The following SMURF2 variants were observed in gnomAD, a reference collection of about 807,000 sequenced individuals.
SMURF2 encodes SMAD specific E3 ubiquitin protein ligase 2, also known as E3 ubiquitin-protein ligase SMURF2.
SMURF2 carries 48 observed loss-of-function variants against 109.6 expected under a neutral mutation model. The ratio of observed to expected loss-of-function variants is 0.44; its 90% CI spans 0.35 to 0.56. The LOEUF is 0.56. SMURF2 is among the 20% of genes least tolerant of loss of function. The pLI is 0.01. For synonymous variants in SMURF2, 288 were observed against 317.1 expected (o/e 0.91, Z 0.97); for missense variants, 575 against 909.0 (o/e 0.63, Z 4.72).
intron 4 of SMURF2, 58 bp from the exon 5 acceptor site, chr17:64,591,207 C>T: frequency 8.1e-7 from 1 of 1,227,172 alleles, no homozygotes; most frequent in Non-Finnish European, 1.2e-6. Context: ...GAGATTCTAA[C>T]ATCTATAGAG....
intron 15 of SMURF2, among the ~76,000 whole-genome samples, chr17:64,552,143 C>A (rs566605434): frequency 4.8e-4 from 73 of 152,030 alleles, no homozygotes; most frequent in African/African-American, 1.7e-3. Flanking sequence ...GGGAGGCCTA[C>A]GGGAGAAGAG....
intron 1 of SMURF2, among the ~76,000 whole-genome samples, chr17:64,635,069 G>A (rs1197758570): frequency 1.3e-5 from 2 of 152,124 alleles, no homozygotes; most frequent in Non-Finnish European, 2.9e-5. Flanking sequence ...GCTCACACCT[G>A]TAATCTCAGC....
rs1969572982 is a variant in SMURF2, at chr17:64,581,056, A to T, written c.570-65T>A. On this transcript the variant is annotated intron_variant, in intron 7 of 18. Transcript: ENST00000262435. The surrounding 1 kb of genome is among the most constrained non-coding windows in gnomAD (Gnocchi z 4.3). ...ATATCAAAAGTAGAGTTCTCTAGAC[A>T]ATATATATATACTGCAGTAACAACC... 3 of 1,397,260 alleles carry T rather than the reference A, an allele frequency of 2.1e-6. No homozygotes were observed. Among genetic ancestry groups the T allele is most frequent in the Non-Finnish European group, 3.0e-6 (3 of 989,480 alleles). 86.6% of individuals were successfully genotyped at this position (1,397,260 alleles called of 1,614,324 possible). A position where few individuals can be genotyped will look rare whatever the true frequency, so the allele number is the denominator to read the frequency against.
chr17:64,550,545 C>T (rs1208044556), intron 16 of SMURF2, among the ~76,000 whole-genome samples: 1 of 152,024 alleles, frequency 6.6e-6, no homozygotes, highest in Non-Finnish European at 1.5e-5. Flanking sequence ...TGTGGAAGGC[C>T]GAGGTGGGTG....
Position 64,661,893 on chromosome 17 carries a change from G to T in SMURF2, c.-13C>A. The T allele has an allele frequency of 8.9e-7, 1 of 1,122,838 alleles. No individual in the cohort carries two copies. Among genetic ancestry groups the T allele is most frequent in the Non-Finnish European group, 1.1e-6 (1 of 928,762 alleles). The allele number at this position is 1,122,838 out of a possible 1,614,324, so 69.6% of individuals were successfully genotyped here. On this transcript the variant is annotated 5_prime_UTR_variant, in exon 1 of 19. Coordinates refer to ENST00000262435, the MANE Select transcript of SMURF2 (RefSeq NM_022739.4). Reference sequence around the variant, plus strand: ...CGGGGTTAGACATGTCCCCGGCGGCGGGGGCGGCGGGGGCGGCGGGCGGCA... The same window carrying T: ...CGGGGTTAGACATGTCCCCGGCGGCTGGGGCGGCGGGGGCGGCGGGCGGCA...
intron 5 of SMURF2, among the ~76,000 whole-genome samples, chr17:64,588,091 CAAAAAAAAA>C (rs375759315): frequency 1.5e-5 from 1 of 68,894 alleles, no homozygotes; most frequent in Non-Finnish European, 3.3e-5. Context: ...GTTTATGGTC[CAAAAAAAAA>C]AAAAAAAAAG....
At chr17:64,571,712 T>C in intron 10 of SMURF2, 86 bp downstream of exon 10, 5 of 1,352,060 alleles carry the variant, frequency 3.7e-6, no homozygotes, top group Non-Finnish European at 5.0e-6. Context: ...AGCCACTGTA[T>C]CGAGACTCAC....
chr17:64,567,719 A>G (rs1969333994), intron 10 of SMURF2, among the ~76,000 whole-genome samples: 1 of 152,144 alleles, frequency 6.6e-6, no homozygotes, highest in African/African-American at 2.4e-5. Flanking sequence ...GTCTGGCTCT[A>G]TCACCCAGGC....
chr17:64,650,332 G>GGTTTTTT (rs374119117), intron 1 of SMURF2, among the ~76,000 whole-genome samples: 11,150 of 148,928 alleles, frequency 0.075, 916 homozygotes, highest in African/African-American at 0.2. Flanking sequence ...CCATCACACG[G>GGTTTTTT]GTTTTTTGTT....
chr17:64,642,201 T>G (rs1210611453), intron 1 of SMURF2, among the ~76,000 whole-genome samples: 1 of 152,212 alleles, frequency 6.6e-6, no homozygotes, highest in East Asian at 1.9e-4. Flanking sequence ...AAGAATTTGT[T>G]TGGCTAGCAA....
intron 1 of SMURF2, among the ~76,000 whole-genome samples, chr17:64,610,465 G>A (rs1214384613): frequency 1.3e-5 from 2 of 152,156 alleles, no homozygotes; most frequent in African/African-American, 4.8e-5. Flanking sequence ...CAGGGACATG[G>A]ATGAGGCCGG....
chr17:64,637,532 C>T (rs910832895), intron 1 of SMURF2, among the ~76,000 whole-genome samples: 1 of 151,906 alleles, frequency 6.6e-6, no homozygotes, highest in African/African-American at 2.4e-5. Context: ...CATTCTTTTG[C>T]ATGTGGAAAT....
intron 10 of SMURF2, among the ~76,000 whole-genome samples, chr17:64,566,590 T>G (rs1555685029): frequency 8.0e-6 from 1 of 125,030 alleles, no homozygotes; most frequent in Non-Finnish European, 1.7e-5. Flanking sequence ...TTTTTTTTTT[T>G]TGAGACAGTC....
At chr17:64,572,061 T>A (rs1969406331) in intron 9 of SMURF2, 105 bp from the exon 10 acceptor site, 1 of 1,008,374 alleles carries the variant, frequency 9.9e-7, no homozygotes, top group African/African-American at 1.7e-5. Flanking sequence ...GAAAATGTAT[T>A]GTTTCAGAAA....
chr17:64,560,620 G>A (rs1227721386), intron 12 of SMURF2, among the ~76,000 whole-genome samples: 2 of 152,032 alleles, frequency 1.3e-5, no homozygotes, highest in African/African-American at 4.8e-5. Context: ...TATATAAAAC[G>A]AATTTTCACA....
At chr17:64,638,161 G>A (rs1442759084) in intron 1 of SMURF2, among the ~76,000 whole-genome samples, 1 of 150,650 alleles carries the variant, frequency 6.6e-6, no homozygotes, top group Non-Finnish European at 1.5e-5. Context: ...CACCTCCTGG[G>A]TTCAAGTGAT....
At chr17:64,655,252 CTTTTT>C (rs749497302) in intron 1 of SMURF2, among the ~76,000 whole-genome samples, 1 of 85,904 alleles carries the variant, frequency 1.2e-5, no homozygotes, top group African/African-American at 5.5e-5. Context: ...AATGAAATGT[CTTTTT>C]TTTTTTTTTT....
chr17:64,600,308 T>C (rs1265316775), intron 2 of SMURF2, among the ~76,000 whole-genome samples: 1 of 152,206 alleles, frequency 6.6e-6, no homozygotes, highest in Non-Finnish European at 1.5e-5. Flanking sequence ...ATGAAAATGA[T>C]TCTTTTGACA....
At chr17:64,572,527 A>T (rs1969411932) in intron 9 of SMURF2, among the ~76,000 whole-genome samples, 2 of 152,248 alleles carry the variant, frequency 1.3e-5, no homozygotes, top group Admixed American at 1.3e-4. Flanking sequence ...TTTAAGATAC[A>T]TTACCAAGAG....
Sources: allele counts gnomAD v4.1 joint callset (sites outside exome capture counted in the v4.1 genomes callset), GRCh38; gene constraint gnomAD v4.1.1; non-coding constraint Gnocchi (gnomAD v3.1); transcripts MANE v1.5; gene names NCBI Gene and HGNC (gene_info 2026-07-23, HGNC 2026-07-21).